Variants in INVS observed in about 807,000 individuals in gnomAD.
INVS encodes inversin, also known as inversion of embryo turning homolog.
INVS carries 86 observed loss-of-function variants against 108.8 expected under a neutral mutation model. The observed-to-expected ratio is 0.79, with a 90% CI of 0.66 to 0.95. The LOEUF (loss-of-function observed/expected upper bound fraction) is 0.95, where lower values mean the gene tolerates loss of function less well. INVS is among the 40% of genes least tolerant of loss of function. The probability of loss-of-function intolerance (pLI) is 0.00; values close to 1 mark genes in which losing one functional copy is unlikely to be tolerated. For synonymous variants in INVS, 455 were observed against 473.5 expected (o/e 0.96, Z 0.51); for missense variants, 1,169 against 1,297.4 (o/e 0.90, Z 1.52).
In INVS at chr9:100,275,553, G is replaced by A. The variant is rs1366566703; in HGVS notation, c.1784+2477G>A. ...GTGTTTAATTTTGCGTTTAATTCTTGCTTGAAGAAACAAACATCAGGATGC... is the reference window on the plus strand; with the variant it reads ...GTGTTTAATTTTGCGTTTAATTCTTACTTGAAGAAACAAACATCAGGATGC... On this transcript the variant is annotated intron_variant, in intron 12 of 16. Transcript: ENST00000262457. 2.6e-5 allele frequency among the ~76,000 whole-genome samples: 4 copies of A among 152,160 alleles called. No homozygotes were observed. The East Asian group carries it at 7.7e-4, about 29-fold the overall frequency.
intron 3 of INVS, among the ~76,000 whole-genome samples, chr9:100,178,909 A>G (rs1829796608): frequency 6.6e-6 from 1 of 152,218 alleles, no homozygotes; most frequent in Non-Finnish European, 1.5e-5. Flanking sequence ...GTTACCCACA[A>G]GGGAAGCCCA....
At chr9:100,191,328 GGC>G (rs1473342725) in intron 3 of INVS, among the ~76,000 whole-genome samples, 1 of 151,926 alleles carries the variant, frequency 6.6e-6, no homozygotes, top group Admixed American at 6.6e-5. Context: ...TCTTTGGTTT[GGC>G]AATTTTACAT....
chr9:100,261,713 T>C (rs1046428528), intron 10 of INVS, among the ~76,000 whole-genome samples: 1 of 152,252 alleles, frequency 6.6e-6, no homozygotes, highest in African/African-American at 2.4e-5. Flanking sequence ...TCATGCATGC[T>C]ATCTGTGAAT....
intron 2 of INVS, among the ~76,000 whole-genome samples, chr9:100,124,312 C>G (rs117553088): frequency 0.025 from 3,781 of 151,904 alleles, 79 homozygotes; most frequent in South Asian, 0.062. Context: ...CTAATTAGGT[C>G]CCTTTACCCT....
At chr9:100,104,352 A>C in intron 1 of INVS, 146 bp from the exon 2 acceptor site, 1 of 665,594 alleles carries the variant, frequency 1.5e-6, no homozygotes, top group Non-Finnish European at 2.7e-6. Flanking sequence ...GATATGTACC[A>C]CTGCACCCAG....
chr9:100,243,877 G>A (rs1030496622), intron 7 of INVS, among the ~76,000 whole-genome samples: 1 of 152,204 alleles, frequency 6.6e-6, no homozygotes, highest in Middle Eastern at 3.4e-3. Context: ...CGGGCGAAGT[G>A]GCTGGCGCCT....
intron 10 of INVS, among the ~76,000 whole-genome samples, chr9:100,256,409 A>G (rs899665224): frequency 1.3e-5 from 2 of 151,534 alleles, no homozygotes; most frequent in South Asian, 2.1e-4. Context: ...TTGTGTCTCT[A>G]TCTCCTTCAG....
At chr9:100,142,861 T>C (rs1828476504) in intron 3 of INVS, among the ~76,000 whole-genome samples, 1 of 152,190 alleles carries the variant, frequency 6.6e-6, no homozygotes, top group African/African-American at 2.4e-5. Context: ...CCAGCTCTTG[T>C]GTAAGAATTC....
At chr9:100,272,829 A>C (rs1180297181) in intron 11 of INVS, 35 bp from the exon 12 acceptor site, 1 of 1,570,982 alleles carries the variant, frequency 6.4e-7, no homozygotes, top group Admixed American at 1.7e-5. Context: ...TACATTCTAA[A>C]ATTAAAAAAA....
chr9:100,298,941 A>G (rs1336951327), intron 16 of INVS, among the ~76,000 whole-genome samples: 1 of 152,216 alleles, frequency 6.6e-6, no homozygotes, highest in African/African-American at 2.4e-5. Flanking sequence ...TCAAAAACAG[A>G]ATTGTCAGAT....
At chr9:100,127,718 A>G (rs776036850) in intron 3 of INVS, among the ~76,000 whole-genome samples, 8 of 152,178 alleles carry the variant, frequency 5.3e-5, no homozygotes, top group Admixed American at 1.3e-4. Flanking sequence ...TGCTAGTTAT[A>G]TGCGCTTCTC....
Position 100,159,643 on chromosome 9 carries a change from G to A in INVS, c.273+33094G>A, listed in dbSNP as rs182668380. 3.9e-5 allele frequency among the ~76,000 whole-genome samples: 6 copies of A among 152,226 alleles called. No individual in the cohort carries two copies. In the East Asian group the frequency reaches 7.7e-4, roughly 20 times the overall value. ...AAGGCAGTTTTCTCTGGTGTTTGTA[G>A]CACCTCTCTTCTACTAATTTAAAAT... is the stretch of plus-strand genomic sequence containing the variant. On this transcript the variant is annotated intron_variant, in intron 3 of 16. Coordinates refer to ENST00000262457, the MANE Select transcript of INVS (RefSeq NM_014425.5).
chr9:100,199,834 T>C (rs1830487122), intron 3 of INVS, among the ~76,000 whole-genome samples: 2 of 152,226 alleles, frequency 1.3e-5, no homozygotes, highest in African/African-American at 4.8e-5. Flanking sequence ...ACTGAGTTTC[T>C]TGGATATAAA....
In INVS at chr9:100,208,400, G is replaced by GT. The variant is rs1335224713; in HGVS notation, c.274-17656dup. ...ATGGTCTGAATGAGGTTCATTAAAGGTTTTTTAGTATAATCGAATTTACTT... is the reference window on the plus strand; with the variant it reads ...ATGGTCTGAATGAGGTTCATTAAAGGTTTTTTTAGTATAATCGAATTTACTT... On this transcript the variant is annotated intron_variant, in intron 3 of 16. Transcript: ENST00000262457. Among the ~76,000 whole-genome samples the GT allele has an allele frequency of 3.3e-5, 5 of 152,238 alleles. No homozygotes were observed. In the East Asian group the frequency reaches 9.7e-4, roughly 29 times the overall value.
chr9:100,138,361 G>A (rs1269273175), intron 3 of INVS, among the ~76,000 whole-genome samples: 1 of 152,112 alleles, frequency 6.6e-6, no homozygotes, highest in Non-Finnish European at 1.5e-5. Flanking sequence ...AGCCGAGATC[G>A]TGCCATTGCA....
intron 3 of INVS, among the ~76,000 whole-genome samples, chr9:100,183,794 G>GAA (rs67231511): frequency 6.9e-4 from 47 of 68,594 alleles, no homozygotes; most frequent in South Asian, 1.1e-3. Context: ...CTGTTTCAGG[G>GAA]AAAAAAAAAA....
At chr9:100,131,320 CT>C (rs1375035615) in intron 3 of INVS, among the ~76,000 whole-genome samples, 1 of 152,126 alleles carries the variant, frequency 6.6e-6, no homozygotes, top group Non-Finnish European at 1.5e-5. Context: ...CATTTATCTA[CT>C]TTAAAAATAT....
intron 3 of INVS, 29 bp downstream of exon 3, chr9:100,126,578 A>T: frequency 1.2e-6 from 2 of 1,610,146 alleles, no homozygotes; most frequent in Non-Finnish European, 1.7e-6. Flanking sequence ...TTGAAGAGTA[A>T]ATGTTTTGTG....
chr9:100,172,865 A>G lies in INVS; in HGVS notation c.273+46316A>G, dbSNP rs1039006372. Among the ~76,000 whole-genome samples, 7 of 152,326 alleles carry G rather than the reference A, an allele frequency of 4.6e-5. 1 individual carries two copies. The East Asian group carries it at 7.7e-4, about 17-fold the overall frequency. ...CCCAGTGAGTCAGATTATTAGTTCA[A>G]TAGAGTGAATTGGCTGCATGGGGGA... On this transcript the variant is annotated intron_variant, in intron 3 of 16. Coordinates refer to ENST00000262457, the MANE Select transcript of INVS (RefSeq NM_014425.5).
Sources: gnomAD v4.1 joint callset for allele counts (sites outside exome capture counted in the v4.1 genomes callset) on GRCh38, gnomAD v4.1.1 for gene constraint, MANE v1.5 for transcripts, NCBI Gene and HGNC (gene_info 2026-07-23, HGNC 2026-07-21) for gene names.